Variants in RBM3 observed in about 807,000 individuals in gnomAD.
RBM3 encodes the protein RNA binding motif protein 3, also known as RNA-binding protein 3.
RBM3 carries 3 observed loss-of-function variants against 12.0 expected under a neutral mutation model. That is an observed-to-expected ratio of 0.25 (90% CI 0.11 to 0.65). The LOEUF (loss-of-function observed/expected upper bound fraction) is 0.65. RBM3 is among the 30% of genes least tolerant of loss of function. The probability of loss-of-function intolerance (pLI) is 0.84; values close to 1 mark genes in which losing one functional copy is unlikely to be tolerated. For synonymous variants in RBM3, 58 were observed against 45.7 expected (o/e 1.27, Z -1.08); for missense variants, 108 against 134.5 (o/e 0.80, Z 0.97).
At position 48,575,276 on chromosome X, in the gene RBM3, C is replaced by T. The variant is rs1556988975; in HGVS notation, c.96C>T (p.Ile32=). The T allele has an allele frequency of 7.5e-6, 9 of 1,203,775 alleles. No homozygotes were observed. Among genetic ancestry groups the T allele is most frequent in the Non-Finnish European group, 9.0e-6 (8 of 889,535 alleles). The stretch of plus-strand genomic sequence containing the variant: ...ACCACTTCAGCAGTTTCGGACCTAT[C>T]TCTGAGGGTGAGACGGGCCATACTC... ...LEDHFSSFGP[I]SEVVVVKDRE... is the part of the protein sequence containing the mutation. Residue 32 remains isoleucine (I), a synonymous_variant, in exon 2 of 7, where the codon ATC becomes ATT. Coordinates refer to ENST00000376759, the MANE Select transcript of RBM3 (RefSeq NM_006743.5).
Position 48,580,668 on chromosome X carries a change from A to G in RBM3, c.*3227A>G, listed in dbSNP as rs1389706630. On this transcript the variant is annotated 3_prime_UTR_variant, in exon 7 of 7. Coordinates refer to ENST00000376759, the MANE Select transcript of RBM3 (RefSeq NM_006743.5). Reference sequence around the variant, plus strand: ...CTCGGCCTCCCAAAGTGCTGGGATTACAGGCGTGAGCCACCACACCTGGCC... The same window carrying G: ...CTCGGCCTCCCAAAGTGCTGGGATTGCAGGCGTGAGCCACCACACCTGGCC... 5.3e-5 allele frequency: 6 copies of G among 112,367 alleles called. No individual in the cohort carries two copies. The highest frequency in any genetic ancestry group is 1.9e-4 in the African/African-American group (6 of 30,828). The allele number at this position is 112,367 out of a possible 1,213,427, so 9.3% of individuals were successfully genotyped here.
rs1556989082 is a variant in RBM3, at chrX:48,575,646, C to T, written c.189C>T (p.Ala63=). Residue 63 remains alanine, a synonymous_variant, in exon 3 of 7, where the codon GCC becomes GCT. Transcript: ENST00000376759. ...CCAACCCAGAGCATGCTTCAGTTGCCATGAGAGCCATGAACGGAGAGGTGG... is the reference window on the plus strand; with the variant it reads ...CCAACCCAGAGCATGCTTCAGTTGCTATGAGAGCCATGAACGGAGAGGTGG... ...TFTNPEHASV[A]MRAMNGESLD... 2 of 1,210,596 alleles carry T rather than the reference C, an allele frequency of 1.7e-6. No homozygotes were observed. The highest frequency in any genetic ancestry group is 2.2e-5 in the Admixed American group (1 of 45,983).
chrX:48,575,500 G>A (rs782701931), intron 2 of RBM3, 61 bp from the exon 3 acceptor site: 1 of 1,042,971 alleles, frequency 9.6e-7, no homozygotes, highest in East Asian at 3.1e-5. Flanking sequence ...GCCACCCTTT[G>A]CTACTTAACC....
Position 48,575,186 on chromosome X carries a change from C to G in RBM3, c.6C>G (p.Ser2=), listed in dbSNP as rs1556988956. ...CCCACAGGACTTGAACTGCCATGTC[C>G]TCTGAAGAAGGAAAGCTCTTCGTGG... The part of the protein sequence containing the change: M[S]SEEGKLFVGG... The change falls in exon 2 of 7, where the codon TCC becomes TCG. Residue 2 remains serine (S), a synonymous_variant. Transcript: ENST00000376759. The G allele has an allele frequency of 5.0e-6, 6 of 1,204,901 alleles. No homozygotes were observed. The highest frequency in any genetic ancestry group is 6.7e-6 in the Non-Finnish European group (6 of 892,048).
chrX:48,575,092 C>A, intron 1 of RBM3, 76 bp from the exon 2 acceptor site: 1 of 740,318 alleles, frequency 1.4e-6, no homozygotes, highest in Non-Finnish European at 2.0e-6. Context: ...TTTTTCTCTG[C>A]TTTCCGTCTC....
Position 48,577,019 on chromosome X carries a change from C to A in RBM3, c.414-7C>A, listed in dbSNP as rs914966240. On this transcript the variant is annotated splice_region_variant and splice_polypyrimidine_tract_variant and intron_variant, in intron 5 of 6. Transcript: ENST00000376759. ...GAAAACTTTTGTGTGTTTTTTTTCC[C>A]CCCCAGAAACCAGGGTGGTTATGAC... The A allele has an allele frequency of 8.3e-7, 1 of 1,205,887 alleles. No homozygotes were observed. The highest frequency in any genetic ancestry group is 1.1e-6 in the Non-Finnish European group (1 of 893,633).
rs1380432659 is a variant in RBM3, at chrX:48,577,037, G to T, written c.425G>T (p.Gly142Val). The change falls in exon 6 of 7, where the codon GGT (glycine) becomes GTT (valine). Residue 142 changes from glycine (G) to valine (V), a missense_variant. Transcript: ENST00000376759. The stretch of plus-strand genomic sequence containing the variant: ...TTTTTCCCCCCCAGAAACCAGGGTG[G>T]TTATGACCGCTACTCAGGAGGAAAT... ...SRDYNGRNQG[G>V]YDRYSGGNYR... 4 of 1,209,552 alleles carry T rather than the reference G, an allele frequency of 3.3e-6. No homozygotes were observed. In the African/African-American group the frequency reaches 5.3e-5, roughly 16 times the overall value.
At chrX:48,576,993 A>G (rs918583474) in intron 5 of RBM3, 33 bp from the exon 6 acceptor site, 25 of 1,202,142 alleles carry the variant, frequency 2.1e-5, no homozygotes, top group Non-Finnish European at 2.7e-5. Context: ...ATGCAGTACC[A>G]GAAAACTTTT....
chrX:48,578,706 C>G lies in RBM3; in HGVS notation c.*1265C>G. ...GGAATTGGGTTTCCTTAACTGGTCT[C>G]TTATCTTAGTCCCATTGTTCTGAGA... On this transcript the variant is annotated 3_prime_UTR_variant, in exon 7 of 7. Coordinates refer to ENST00000376759, the MANE Select transcript of RBM3 (RefSeq NM_006743.5). 1 of 112,048 alleles carries G rather than the reference C, an allele frequency of 8.9e-6. No individual in the cohort carries two copies. The highest frequency in any genetic ancestry group is 1.9e-5 in the Non-Finnish European group (1 of 53,229). 9.2% of individuals were successfully genotyped at this position (112,048 alleles called of 1,213,427 possible). A position where few individuals can be genotyped will look rare whatever the true frequency, so the allele number is the denominator to read the frequency against.
rs1048716668 is a variant in RBM3, at chrX:48,579,545, A to G, written c.*2104A>G. 9.0e-6 allele frequency among the ~76,000 whole-genome samples: 1 copy of G among 111,688 alleles called. No individual in the cohort carries two copies. Among genetic ancestry groups the G allele is most frequent in the Admixed American group, 9.6e-5 (1 of 10,435 alleles). ...CATTGTGGCTAACCCCACCAGGTGG[A>G]TACTTGGTCTGAGGACGCATCTTAT... On this transcript the variant is annotated 3_prime_UTR_variant, in exon 7 of 7. Transcript: ENST00000376759.
At position 48,575,709 on chromosome X, in the gene RBM3, G is replaced by A. The variant is rs782486159; in HGVS notation, c.210+42G>A. 9.8e-6 allele frequency: 11 copies of A among 1,123,107 alleles called. No homozygotes were observed. The East Asian group carries it at 1.2e-4, about 12-fold the overall frequency. The allele number at this position is 1,123,107 out of a possible 1,213,427, so 92.6% of individuals were successfully genotyped here. On this transcript the variant is annotated intron_variant, in intron 3 of 6. Coordinates refer to ENST00000376759, the MANE Select transcript of RBM3 (RefSeq NM_006743.5). Reference sequence around the variant, plus strand: ...GCAGAGGGACCTTGTCCCCATCTGCGGCTTCCTTCATTCTTTTTGTTTTTC... The same window carrying A: ...GCAGAGGGACCTTGTCCCCATCTGCAGCTTCCTTCATTCTTTTTGTTTTTC...
At chrX:48,574,864 G>T in intron 1 of RBM3, 2 of 381,502 alleles carry the variant, frequency 5.2e-6, no homozygotes, top group Non-Finnish European at 4.9e-6. Context: ...CCGCCATCTT[G>T]TTCTGCCGGC....
At chrX:48,577,286 G>A in intron 6 of RBM3, 177 bp downstream of exon 6, 1 of 1,055,816 alleles carries the variant, frequency 9.5e-7, no homozygotes, top group East Asian at 3.3e-5. Flanking sequence ...GAGCAAGTTT[G>A]CTAGGGGGTG....
intron 6 of RBM3, 102 bp from the exon 7 acceptor site, chrX:48,577,363 C>A: frequency 2.4e-6 from 2 of 847,524 alleles, no homozygotes; most frequent in Admixed American, 3.3e-5. Flanking sequence ...AAGGTGTGTC[C>A]CTGTTGTCCA....
Position 48,577,016 on chromosome X carries a change from T to TC in RBM3, c.414-3dup, listed in dbSNP as rs34051247. The TC allele has an allele frequency of 6.4e-5, 77 of 1,206,176 alleles. No individual in the cohort carries two copies. Among genetic ancestry groups the TC allele is most frequent in the South Asian group, 3.0e-4 (17 of 56,453 alleles). On this transcript the variant is annotated splice_polypyrimidine_tract_variant and intron_variant, in intron 5 of 6. Coordinates refer to ENST00000376759, the MANE Select transcript of RBM3 (RefSeq NM_006743.5). ...CCAGAAAACTTTTGTGTGTTTTTTT[T>TC]CCCCCCCAGAAACCAGGGTGGTTAT... is the stretch of plus-strand genomic sequence containing the variant.
intron 3 of RBM3, 99 bp downstream of exon 3, chrX:48,575,766 C>G: frequency 2.5e-6 from 2 of 808,822 alleles, no homozygotes; most frequent in East Asian, 3.3e-5. Context: ...GCGTGGCCAC[C>G]AAGCCCCGCA....
chrX:48,575,766 C>A, intron 3 of RBM3, 99 bp downstream of exon 3: 2 of 808,807 alleles, frequency 2.5e-6, no homozygotes, highest in Non-Finnish European at 3.6e-6. Context: ...GCGTGGCCAC[C>A]AAGCCCCGCA....
In RBM3 at chrX:48,576,974, G is replaced by T. The variant is rs1315165110; in HGVS notation, c.414-52G>T. ...AAATGTGACGCATATAATTACAGTG[G>T]TATATATAATGCAGTACCAGAAAAC... On this transcript the variant is annotated intron_variant, in intron 5 of 6. Transcript: ENST00000376759. 8.6e-6 allele frequency: 10 copies of T among 1,167,422 alleles called. No individual in the cohort carries two copies. In the Admixed American group the frequency reaches 2.2e-4, roughly 26 times the overall value.
At chrX:48,576,789 G>A (rs781842131) in intron 5 of RBM3, among the ~76,000 whole-genome samples, 185 bp downstream of exon 5, 12 of 112,162 alleles carry the variant, frequency 1.1e-4, no homozygotes, top group Non-Finnish European at 1.5e-4. Flanking sequence ...TACTATATAT[G>A]TTGTGCTGTG....
Sources: allele counts gnomAD v4.1 joint callset (sites outside exome capture counted in the v4.1 genomes callset), GRCh38; gene constraint gnomAD v4.1.1; transcripts MANE v1.5; gene names NCBI Gene and HGNC (gene_info 2026-07-23, HGNC 2026-07-21).